Variants in SSTR5 observed in about 807,000 individuals in gnomAD.
SSTR5 encodes the protein somatostatin receptor 5, also known as somatostatin receptor type 5.
In SSTR5, 1 loss-of-function variant was observed where a neutral mutation model predicts 0.3. The observed-to-expected ratio is 2.98, with a 90% CI of 1.06 to 14.15. SSTR5 has a LOEUF of 14.15. Ranked by LOEUF, SSTR5 falls within the 30% of genes most tolerant of loss-of-function variation. The pLI is 0.12. For missense variants in SSTR5, 516 were observed against 543.2 expected, an observed-to-expected ratio of 0.95 and a Z score of 0.50; for synonymous variants, 256 against 263.1, an observed-to-expected ratio of 0.97 and a Z score of 0.26.
intron 1 of SSTR5, among the ~76,000 whole-genome samples, chr16:1,076,345 C>G: frequency 0.033 from 1 of 30 alleles, no homozygotes; most frequent in Non-Finnish European, 0.1. Context: ...CTCCCCTCTT[C>G]TCCCACCCCG....
chr16:1,079,938 G>C lies in SSTR5; in HGVS notation c.1070G>C (p.Gly357Ala), dbSNP rs765491752. 2 of 1,604,850 alleles carry C rather than the reference G, an allele frequency of 1.2e-6. No homozygotes were observed. Among genetic ancestry groups the C allele is most frequent in the Non-Finnish European group, 1.7e-6 (2 of 1,176,352 alleles). Residue 357 changes from glycine to alanine, a missense_variant, in exon 2 of 2, where the codon GGG becomes GCG. Physicochemically the swap from Gly to Ala is moderately conservative, Grantham distance 60 (BLOSUM62 0). Transcript: ENST00000689027. ...TPPAHRAAAN[G>A]LMQTSKL ...CCCGCGCACCGCGCCGCAGCCAACG[G>C]GCTTATGCAGACCAGCAAGCTGTGA...
In SSTR5 at chr16:1,078,961, G is replaced by A. The variant is rs1291642392; in HGVS notation, c.93G>A (p.Gly31=). ...SGGGDNRTLV[G]PAPSAGARAV... is the part of the protein sequence containing the mutation. Reference sequence around the variant, plus strand: ...GCGGTGACAACAGGACGCTGGTGGGGCCGGCGCCCTCGGCAGGGGCCCGGG... The same window carrying A: ...GCGGTGACAACAGGACGCTGGTGGGACCGGCGCCCTCGGCAGGGGCCCGGG... The change falls in exon 2 of 2, where the codon GGG becomes GGA. Residue 31 remains glycine, a synonymous_variant. Transcript: ENST00000689027. The A allele has an allele frequency of 3.1e-6, 5 of 1,593,788 alleles. No homozygotes were observed. The East Asian group carries it at 9.2e-5, about 29-fold the overall frequency.
chr16:1,076,435 G>A (rs1596235681), intron 1 of SSTR5, among the ~76,000 whole-genome samples: 1 of 149,192 alleles, frequency 6.7e-6, no homozygotes, highest in Admixed American at 6.7e-5. Flanking sequence ...AATCCGTCCT[G>A]TCTCTCTGGC....
intron 1 of SSTR5, among the ~76,000 whole-genome samples, chr16:1,074,443 A>G (rs1960153358): frequency 2.0e-5 from 3 of 152,122 alleles, no homozygotes; most frequent in Admixed American, 1.3e-4. Flanking sequence ...GTTAGCCTGG[A>G]AGGAGTTGGC....
chr16:1,078,096 T>A (rs1178524858), intron 1 of SSTR5: 1 of 152,468 alleles, frequency 6.6e-6, no homozygotes, highest in African/African-American at 2.4e-5. Context: ...TGGGGCTCCG[T>A]GTGACCACTC....
chr16:1,074,162 G>A (rs191126433), intron 1 of SSTR5, among the ~76,000 whole-genome samples: 33 of 152,330 alleles, frequency 2.2e-4, no homozygotes, highest in Non-Finnish European at 3.4e-4. Context: ...AGAGGAAACA[G>A]GTCAGAACGC....
Position 1,079,360 on chromosome 16 carries a change from G to T in SSTR5, c.492G>T (p.Trp164Cys). 3 of 1,600,600 alleles carry T rather than the reference G, an allele frequency of 1.9e-6. No homozygotes were observed. The highest frequency in any genetic ancestry group is 2.6e-6 in the Non-Finnish European group (3 of 1,173,804). Residue 164 changes from tryptophan to cysteine, a missense_variant, in exon 2 of 2, where the codon TGG (tryptophan) becomes TGT (cysteine). Physicochemically the swap from Trp to Cys is radical, Grantham distance 215. Coordinates refer to ENST00000689027, the MANE Select transcript of SSTR5 (RefSeq NM_001172560.3). ...RVAKLASAAA[W>C]VLSLCMSLPL... The stretch of plus-strand genomic sequence containing the variant: ...CCAAGCTGGCGAGCGCCGCGGCCTG[G>T]GTCCTGTCTCTGTGCATGTCGCTGC...
At chr16:1,074,325 C>T (rs534421217) in intron 1 of SSTR5, among the ~76,000 whole-genome samples, 4 of 152,358 alleles carry the variant, frequency 2.6e-5, no homozygotes, top group South Asian at 2.1e-4. Context: ...GCGTGGGCCC[C>T]GGCCGTGTGA....
Position 1,079,510 on chromosome 16 carries a change from G to T in SSTR5, c.642G>T (p.Leu214=). The T allele has an allele frequency of 6.2e-7, 1 of 1,612,062 alleles. No homozygotes were observed. The highest frequency in any genetic ancestry group is 2.2e-5 in the East Asian group (1 of 44,864). ...CCGTGCTGGGCTTCTTCGCGCCGCTGCTGGTCATCTGCCTGTGCTACCTGC... is the reference window on the plus strand; with the variant it reads ...CCGTGCTGGGCTTCTTCGCGCCGCTTCTGGTCATCTGCCTGTGCTACCTGC... ...YTAVLGFFAP[L]LVICLCYLLI... Residue 214 remains leucine, a synonymous_variant, in exon 2 of 2, where the codon CTG becomes CTT. Coordinates refer to ENST00000689027, the MANE Select transcript of SSTR5 (RefSeq NM_001172560.3).
intron 1 of SSTR5, chr16:1,078,440 T>G (rs1285339805): frequency 1.1e-5 from 2 of 189,076 alleles, no homozygotes; most frequent in East Asian, 1.3e-4. Flanking sequence ...GGCCGCCCGC[T>G]GGGCCTCGGC....
intron 1 of SSTR5, among the ~76,000 whole-genome samples, chr16:1,074,216 C>T (rs927480820): frequency 6.6e-6 from 1 of 152,210 alleles, no homozygotes; most frequent in South Asian, 2.1e-4. Context: ...TTTGGAGGGG[C>T]TGGGGCCTGT....
rs574776869 is a variant in SSTR5, at chr16:1,081,410, G to A, written c.*1447G>A. 9.9e-5 allele frequency among the ~76,000 whole-genome samples: 15 copies of A among 152,220 alleles called. No individual in the cohort carries two copies. Among genetic ancestry groups the A allele is most frequent in the East Asian group, 1.9e-4 (1 of 5,190 alleles). On this transcript the variant is annotated 3_prime_UTR_variant, in exon 2 of 2. Transcript: ENST00000689027. ...AAACATCCAAGCAGTGAGGACACGC[G>A]TGTTTGACAACTGCTCCCCTGAATA... is the stretch of plus-strand genomic sequence containing the variant.
intron 1 of SSTR5, among the ~76,000 whole-genome samples, chr16:1,074,528 T>G (rs777042956): frequency 6.6e-6 from 1 of 152,176 alleles, no homozygotes; most frequent in Non-Finnish European, 1.5e-5. Flanking sequence ...CAGGCCCCTG[T>G]GAAGACTGCC....
chr16:1,080,821 G>A lies in SSTR5; in HGVS notation c.*858G>A, dbSNP rs948318622. On this transcript the variant is annotated 3_prime_UTR_variant, in exon 2 of 2. Coordinates refer to ENST00000689027, the MANE Select transcript of SSTR5 (RefSeq NM_001172560.3). ...GGGGTCCAGTGTGGGGTGCCTGAGG[G>A]CACTAGGGAGAGGTGCTCCTGCTGC... 6.6e-6 allele frequency among the ~76,000 whole-genome samples: 1 copy of A among 152,172 alleles called. No individual in the cohort carries two copies. Among genetic ancestry groups the A allele is most frequent in the Admixed American group, 6.5e-5 (1 of 15,286 alleles).
chr16:1,078,540 T>G, intron 1 of SSTR5: 1 of 433,344 alleles, frequency 2.3e-6, no homozygotes, highest in East Asian at 4.6e-5. Flanking sequence ...GACTCCAGGA[T>G]GCTGCGGCCA....
Position 1,079,568 on chromosome 16 carries a change from C to A in SSTR5, c.700C>A (p.Arg234Ser), listed in dbSNP as rs34070276. The A allele has an allele frequency of 1.9e-6, 3 of 1,611,308 alleles. No individual in the cohort carries two copies. Among genetic ancestry groups the A allele is most frequent in the African/African-American group, 1.3e-5 (1 of 75,002 alleles). The stretch of plus-strand genomic sequence containing the variant: ...GGTGAAGGTGAGGGCGGCGGGCGTG[C>A]GCGTGGGCTGCGTGCGGCGGCGCTC... ...IVVKVRAAGVRVGCVRRRSER... is the reference protein window; with the variant it reads ...IVVKVRAAGVSVGCVRRRSER... The change falls in exon 2 of 2, where the codon CGC becomes AGC. Residue 234 changes from arginine to serine, a missense_variant. Transcript: ENST00000689027.
intron 1 of SSTR5, among the ~76,000 whole-genome samples, chr16:1,074,341 TG>T (rs1960150691): frequency 6.6e-6 from 1 of 152,180 alleles, no homozygotes; most frequent in Admixed American, 6.5e-5. Flanking sequence ...TGTGAGCCGC[TG>T]CCTCCCCGAG....
Position 1,079,499 on chromosome 16 carries a change from T to G in SSTR5, c.631T>G (p.Phe211Val). ...CATCTACACGGCCGTGCTGGGCTTC[T>G]TCGCGCCGCTGCTGGTCATCTGCCT... Reference protein sequence around the residue: ...FIIYTAVLGFFAPLLVICLCY... With the variant: ...FIIYTAVLGFVAPLLVICLCY... Residue 211 changes from phenylalanine to valine, a missense_variant, in exon 2 of 2, where the codon TTC (phenylalanine) becomes GTC (valine). By Grantham distance (50) the Phe-to-Val change is conservative. Coordinates refer to ENST00000689027, the MANE Select transcript of SSTR5 (RefSeq NM_001172560.3). The G allele has an allele frequency of 6.2e-7, 1 of 1,611,916 alleles. No homozygotes were observed. Among genetic ancestry groups the G allele is most frequent in the Non-Finnish European group, 8.5e-7 (1 of 1,179,416 alleles).
rs1010871439 is a variant in SSTR5 at position 1,080,725 on chromosome 16, T to A, written c.*762T>A. On this transcript the variant is annotated 3_prime_UTR_variant, in exon 2 of 2. Transcript: ENST00000689027. ...GGAGAGCTGGGGGCTGAGGTTGGGG[T>A]GAAGGCTGCAGCCCTCCAGGCTGCT... is the stretch of plus-strand genomic sequence containing the variant. 1.3e-5 allele frequency among the ~76,000 whole-genome samples: 2 copies of A among 151,470 alleles called. No homozygotes were observed. Among genetic ancestry groups the A allele is most frequent in the African/African-American group, 4.9e-5 (2 of 41,132 alleles).
Sources: gnomAD v4.1 joint callset for allele counts (sites outside exome capture counted in the v4.1 genomes callset) on GRCh38, gnomAD v4.1.1 for gene constraint, MANE v1.5 for transcripts, NCBI Gene and HGNC (gene_info 2026-07-23, HGNC 2026-07-21) for gene names.